FAM228B: variants seen among roughly 807,000 people sequenced by gnomAD.
FAM228B encodes protein FAM228B.
Under a neutral mutation model 42.6 loss-of-function variants are expected in FAM228B, and 38 were observed. The observed-to-expected ratio is 0.89, with a 90% confidence interval of 0.69 to 1.17. The LOEUF is 1.17. Among genes scored for constraint, FAM228B ranks in the 50% most tolerant of loss-of-function variants. The pLI is 0.00. For synonymous variants in FAM228B, 109 were observed against 122.3 expected (o/e 0.89, Z 0.72); for missense variants, 344 against 367.3 (o/e 0.94, Z 0.52).
intron 3 of FAM228B, among the ~76,000 whole-genome samples, chr2:24,137,051 A>T (rs1251928499): frequency 6.6e-6 from 1 of 152,088 alleles, no homozygotes; most frequent in African/African-American, 2.4e-5. Flanking sequence ...GACTTATTTC[A>T]CTTTGGCATA....
At chr2:24,161,399 C>T (rs1667282011) in intron 7 of FAM228B, 107 bp from the exon 8 acceptor site, 5 of 667,216 alleles carry the variant, frequency 7.5e-6, no homozygotes, top group Non-Finnish European at 1.3e-5. Context: ...CTGCAGTGAG[C>T]TGTGATTGCA....
chr2:24,151,274 GTTTTGTT>G lies in FAM228B; in HGVS notation c.686+4207_686+4213del, dbSNP rs559102436. The stretch of plus-strand genomic sequence containing the variant: ...TTTTTCAACTATAGAATTTCTGCTT[GTTTTGTT>G]TTTTGTTTTTTGTTTTTTTTTTTGA... On this transcript the variant is annotated intron_variant, in intron 7 of 10. Coordinates refer to ENST00000615575, the MANE Select transcript of FAM228B (RefSeq NM_001145710.2). Among the ~76,000 whole-genome samples the G allele has an allele frequency of 2.5e-3, 384 of 151,008 alleles. 3 individuals carry two copies. Among genetic ancestry groups the G allele is most frequent in the African/African-American group, 8.7e-3 (360 of 41,186 alleles).
At chr2:24,139,907 T>G (rs1248951880) in intron 5 of FAM228B, among the ~76,000 whole-genome samples, 1 of 152,230 alleles carries the variant, frequency 6.6e-6, no homozygotes, top group Non-Finnish European at 1.5e-5. Flanking sequence ...ACATTTGGTT[T>G]TATAATGAGC....
intron 2 of FAM228B, among the ~76,000 whole-genome samples, chr2:24,126,940 T>C (rs1666325341): frequency 2.0e-5 from 3 of 152,210 alleles, no homozygotes; most frequent in African/African-American, 7.2e-5. Context: ...TTCACTACTC[T>C]AAAGTGTACA....
At chr2:24,092,799 T>G (rs540388201) in intron 2 of FAM228B, among the ~76,000 whole-genome samples, 2 of 152,288 alleles carry the variant, frequency 1.3e-5, no homozygotes, top group Admixed American at 1.3e-4. Context: ...ATGCATCCAC[T>G]TGAAAAATGA....
At chr2:24,136,757 T>C (rs1666601930) in intron 3 of FAM228B, among the ~76,000 whole-genome samples, 1 of 152,250 alleles carries the variant, frequency 6.6e-6, no homozygotes, top group Admixed American at 6.5e-5. Flanking sequence ...GTGTATGCGA[T>C]ATAAAAGTAA....
intron 3 of FAM228B, among the ~76,000 whole-genome samples, chr2:24,104,775 AG>A (rs1182553680): frequency 1.3e-5 from 2 of 152,276 alleles, no homozygotes; most frequent in Non-Finnish European, 2.9e-5. Flanking sequence ...TGTCATAGGA[AG>A]CACCCAAATG....
chr2:24,094,832 C>T (rs1304430302), intron 2 of FAM228B, among the ~76,000 whole-genome samples: 1 of 152,198 alleles, frequency 6.6e-6, no homozygotes, highest in Non-Finnish European at 1.5e-5. Context: ...GTGACTCACA[C>T]CTGTAATCCT....
chr2:24,168,520 G>C (rs1172211543), intron 10 of FAM228B, among the ~76,000 whole-genome samples: 1 of 152,248 alleles, frequency 6.6e-6, no homozygotes, highest in Non-Finnish European at 1.5e-5. Flanking sequence ...TTTCATCAGA[G>C]AGGTTAAGTG....
chr2:24,120,926 G>T (rs375929561), upstream of FAM228B, among the ~76,000 whole-genome samples: 1 of 151,292 alleles, frequency 6.6e-6, no homozygotes. Flanking sequence ...GACTGTATTG[G>T]AAAGAGTTCA....
intron 7 of FAM228B, among the ~76,000 whole-genome samples, chr2:24,150,391 A>T (rs563171446): frequency 6.5e-4 from 98 of 151,850 alleles, no homozygotes; most frequent in African/African-American, 2.2e-3. Context: ...CTAGGGTAAA[A>T]GTTTTTTTCT....
At position 24,156,818 on chromosome 2, in the gene FAM228B, T is replaced by C. The variant is rs186653110; in HGVS notation, c.687-4688T>C. Reference sequence around the variant, plus strand: ...TTTGTTTCATTTATCTTTTGTATTTTTTGTTTGTTTGTTTGTTTCAATTTC... The same window carrying C: ...TTTGTTTCATTTATCTTTTGTATTTCTTGTTTGTTTGTTTGTTTCAATTTC... On this transcript the variant is annotated intron_variant, in intron 7 of 10. Coordinates refer to ENST00000615575, the MANE Select transcript of FAM228B (RefSeq NM_001145710.2). 4.0e-3 allele frequency among the ~76,000 whole-genome samples: 581 copies of C among 145,342 alleles called. 6 individuals carry two copies. The highest frequency in any genetic ancestry group is 0.014 in the African/African-American group (569 of 40,136).
intron 7 of FAM228B, among the ~76,000 whole-genome samples, chr2:24,152,308 T>C (rs1266238425): frequency 6.6e-6 from 1 of 152,266 alleles, no homozygotes; most frequent in Non-Finnish European, 1.5e-5. Context: ...CATATATCTC[T>C]GTTTCTCCAG....
intron 2 of FAM228B, chr2:24,087,353 T>C (rs2150989914): frequency 6.6e-6 from 1 of 152,340 alleles, no homozygotes; most frequent in African/African-American, 2.4e-5. Context: ...GTACTGGAAT[T>C]ATAGGCATGA....
chr2:24,135,891 A>G (rs1035311279), intron 3 of FAM228B, among the ~76,000 whole-genome samples: 5 of 149,840 alleles, frequency 3.3e-5, no homozygotes, highest in Non-Finnish European at 5.9e-5. Flanking sequence ...TTTGCAGGCT[A>G]CTTGCCACTT....
chr2:24,134,865 G>A (rs138663707), intron 2 of FAM228B, among the ~76,000 whole-genome samples: 4 of 152,298 alleles, frequency 2.6e-5, no homozygotes, highest in South Asian at 2.1e-4. Context: ...CACAAGAATC[G>A]CTTGAACCCT....
At chr2:24,160,770 A>G (rs1232473072) in intron 7 of FAM228B, among the ~76,000 whole-genome samples, 9 of 151,926 alleles carry the variant, frequency 5.9e-5, no homozygotes, top group Admixed American at 2.6e-4. Flanking sequence ...CTTCCAATCA[A>G]CCCTTGCATG....
intron 2 of FAM228B, among the ~76,000 whole-genome samples, chr2:24,093,294 C>G (rs543020054): frequency 9.2e-5 from 14 of 152,226 alleles, no homozygotes; most frequent in Admixed American, 8.5e-4. Context: ...AATGCTCTCC[C>G]TCCCCTTGCC....
Position 24,124,467 on chromosome 2 carries a change from A to T in FAM228B, c.99+7A>T. On this transcript the variant is annotated splice_region_variant and intron_variant, in intron 2 of 10. Coordinates refer to ENST00000615575, the MANE Select transcript of FAM228B (RefSeq NM_001145710.2). ...GCCCCTTTGTTTTATGGAGGTATAT[A>T]TCAAATAGTGTGGGATTTGGAGATT... The T allele has an allele frequency of 2.0e-6, 3 of 1,525,608 alleles. No homozygotes were observed. Among genetic ancestry groups the T allele is most frequent in the Admixed American group, 4.3e-5 (2 of 46,176 alleles). The allele number at this position is 1,525,608 out of a possible 1,614,324, so 94.5% of individuals were successfully genotyped here.
Sources: gnomAD v4.1 joint callset for allele counts (sites outside exome capture counted in the v4.1 genomes callset) on GRCh38, gnomAD v4.1.1 for gene constraint, MANE v1.5 for transcripts, NCBI Gene and HGNC (gene_info 2026-07-23, HGNC 2026-07-21) for gene names.